Variants in MTCL3 observed in about 807,000 individuals in gnomAD.
MTCL3 encodes the protein microtubule cross-linking factor 3.
the MTCL3 span, chr6:127,515,923 C>T: frequency 5.0e-6 from 8 of 1,610,570 alleles, no homozygotes; most frequent in South Asian, 8.8e-5. This position sits in a 1 kb window ranked among gnomAD's most constrained non-coding sequence, Gnocchi z 4.3. Flanking sequence ...GGAGTTTCTG[C>T]TGCCGGTTCC....
At chr6:127,472,995 T>A in the MTCL3 span, 1 of 646,626 alleles carries the variant, frequency 1.5e-6, no homozygotes, top group Non-Finnish European at 1.9e-6. Context: ...AGTATGCCAA[T>A]TATTTATCAA....
At chr6:127,488,462 A>T in the MTCL3 span, among the ~76,000 whole-genome samples, 4 of 152,218 alleles carry the variant, frequency 2.6e-5, no homozygotes, top group African/African-American at 9.6e-5. Flanking sequence ...TCTCTGTTAT[A>T]GCTCCTGCTC....
At chr6:127,496,692 G>A in the MTCL3 span, among the ~76,000 whole-genome samples, 3 of 152,242 alleles carry the variant, frequency 2.0e-5, no homozygotes, top group South Asian at 2.1e-4. Context: ...ACTGGTGAGT[G>A]AATAGATAAA....
the MTCL3 span, among the ~76,000 whole-genome samples, chr6:127,491,311 A>G: frequency 6.6e-6 from 1 of 152,196 alleles, no homozygotes; most frequent in African/African-American, 2.4e-5. Flanking sequence ...TGACGTGGCA[A>G]ATCACATTGT....
At chr6:127,494,744 T>C in the MTCL3 span, among the ~76,000 whole-genome samples, 1 of 152,188 alleles carries the variant, frequency 6.6e-6, no homozygotes, top group Non-Finnish European at 1.5e-5. Context: ...AATAATAAAC[T>C]GATCACAAAG....
the MTCL3 span, among the ~76,000 whole-genome samples, chr6:127,484,125 C>T: frequency 1.3e-5 from 2 of 152,142 alleles, no homozygotes; most frequent in African/African-American, 4.8e-5. Context: ...TATAGACTGA[C>T]AGTAAAAATA....
chr6:127,497,179 G>A, the MTCL3 span, among the ~76,000 whole-genome samples: 2 of 152,172 alleles, frequency 1.3e-5, no homozygotes, highest in Non-Finnish European at 2.9e-5. Context: ...TATATTACAT[G>A]TAAAATATGA....
At chr6:127,503,113 G>A in the MTCL3 span, among the ~76,000 whole-genome samples, 1 of 152,182 alleles carries the variant, frequency 6.6e-6, no homozygotes, top group South Asian at 2.1e-4. Flanking sequence ...AAAGGGGGTA[G>A]GTTATTTGTG....
the MTCL3 span, chr6:127,516,792 A>G: frequency 2.1e-4 from 233 of 1,108,286 alleles, 2 homozygotes; most frequent in South Asian, 1.9e-3. Flanking sequence ...ATGGCGCTTA[A>G]TAGAAGCTTT....
At chr6:127,475,183 G>T in the MTCL3 span, 1 of 1,222,568 alleles carries the variant, frequency 8.2e-7, no homozygotes, top group Non-Finnish European at 1.1e-6. This position sits in a 1 kb window ranked among gnomAD's most constrained non-coding sequence, Gnocchi z 7.3. Context: ...CCTGAGCGGG[G>T]GCTTCCCTCA....
the MTCL3 span, among the ~76,000 whole-genome samples, chr6:127,485,553 T>C: frequency 6.6e-6 from 1 of 152,168 alleles, no homozygotes; most frequent in Non-Finnish European, 1.5e-5. Context: ...AGGGTGGCAG[T>C]ACAAATCGCT....
chr6:127,515,427 G>T, the MTCL3 span: 1 of 1,277,546 alleles, frequency 7.8e-7, no homozygotes, highest in Non-Finnish European at 1.0e-6. This position sits in a 1 kb window ranked among gnomAD's most constrained non-coding sequence, Gnocchi z 4.3. Context: ...TAACAGGTTA[G>T]CAGCCTCTGA....
chr6:127,497,552 G>GC, the MTCL3 span, among the ~76,000 whole-genome samples: 2 of 152,184 alleles, frequency 1.3e-5, no homozygotes, highest in Non-Finnish European at 2.9e-5. Flanking sequence ...CCTGAGTGCT[G>GC]CAGTAGCAGC....
At chr6:127,512,922 G>A in the MTCL3 span, 1 of 1,612,180 alleles carries the variant, frequency 6.2e-7, no homozygotes, top group Non-Finnish European at 8.5e-7. Context: ...ATTCTGTAAA[G>A]CTTGCTTTGC....
chr6:127,485,810 A>G, the MTCL3 span, among the ~76,000 whole-genome samples: 3 of 152,212 alleles, frequency 2.0e-5, no homozygotes, highest in South Asian at 4.1e-4. Context: ...TCAGGGCAAT[A>G]AATGAACAAA....
chr6:127,482,996 C>G, the MTCL3 span: 256 of 1,589,716 alleles, frequency 1.6e-4, no homozygotes, highest in Admixed American at 3.0e-4. This position sits in a 1 kb window ranked among gnomAD's most constrained non-coding sequence, Gnocchi z 4.1. Context: ...TGAAACAAAG[C>G]ATGAATATAT....
the MTCL3 span, among the ~76,000 whole-genome samples, chr6:127,492,870 A>C: frequency 6.6e-6 from 1 of 152,226 alleles, no homozygotes; most frequent in Non-Finnish European, 1.5e-5. Context: ...TTATTTTTAA[A>C]GTTCACTTTT....
chr6:127,503,559 C>T, the MTCL3 span, among the ~76,000 whole-genome samples: 1 of 152,186 alleles, frequency 6.6e-6, no homozygotes, highest in Non-Finnish European at 1.5e-5. Context: ...CACCAAAGCA[C>T]AAAGAAGTTA....
At chr6:127,493,561 C>T in the MTCL3 span, among the ~76,000 whole-genome samples, 1 of 152,096 alleles carries the variant, frequency 6.6e-6, no homozygotes, top group South Asian at 2.1e-4. Flanking sequence ...ATGTTTATGT[C>T]ATGAAGGCAG....
Sources: allele counts gnomAD v4.1 joint callset (sites outside exome capture counted in the v4.1 genomes callset), GRCh38; gene constraint gnomAD v4.1.1; non-coding constraint Gnocchi (gnomAD v3.1); transcripts MANE v1.5; gene names NCBI Gene and HGNC (gene_info 2026-07-23, HGNC 2026-07-21).